The following RAF1 variants were observed in gnomAD, a reference collection of about 807,000 sequenced individuals.
RAF1 encodes Raf-1 proto-oncogene, serine/threonine kinase, also known as RAF proto-oncogene serine/threonine-protein kinase.
In RAF1, 27 loss-of-function variants were observed where a neutral mutation model predicts 81.1. The ratio of observed to expected loss-of-function variants is 0.33; its 90% CI spans 0.25 to 0.46. The LOEUF (loss-of-function observed/expected upper bound fraction) is 0.46, where lower values mean the gene tolerates loss of function less well. Ranked by LOEUF, RAF1 falls within the 20% of genes least tolerant of loss-of-function variation. The pLI, the probability that RAF1 is intolerant of heterozygous loss-of-function variation, is 1.00. For synonymous variants in RAF1, 298 were observed against 294.0 expected (o/e 1.01, Z -0.14); for missense variants, 598 against 826.0 (o/e 0.72, Z 3.38).
intron 11 of RAF1, among the ~76,000 whole-genome samples, chr3:12,595,354 G>A (rs1368119561): frequency 6.6e-6 from 1 of 152,202 alleles, no homozygotes; most frequent in Non-Finnish European, 1.5e-5. Context: ...TTATAGATGT[G>A]GGCCACTGCA....
intron 1 of RAF1, among the ~76,000 whole-genome samples, chr3:12,643,613 G>A (rs192150734): frequency 6.6e-6 from 1 of 152,092 alleles, no homozygotes; most frequent in Non-Finnish European, 1.5e-5. Context: ...GCAGGCGCCT[G>A]TAATCCCAGC....
chr3:12,628,901 G>A (rs2059788259), intron 1 of RAF1, among the ~76,000 whole-genome samples: 1 of 152,014 alleles, frequency 6.6e-6, no homozygotes, highest in African/African-American at 2.4e-5. Context: ...GCAGGTGTGA[G>A]CCACCATGCT....
At chr3:12,655,522 C>A (rs2060664880) in intron 1 of RAF1, among the ~76,000 whole-genome samples, 1 of 152,182 alleles carries the variant, frequency 6.6e-6, no homozygotes, top group Non-Finnish European at 1.5e-5. Flanking sequence ...TTGGCAGTTC[C>A]TCAAAAAGTA....
At chr3:12,617,094 A>G (rs2125447705) in intron 2 of RAF1, among the ~76,000 whole-genome samples, 1 of 151,748 alleles carries the variant, frequency 6.6e-6, no homozygotes, top group Non-Finnish European at 1.5e-5. Context: ...GACGTGTGCC[A>G]CCACGCCCGG....
chr3:12,600,563 GTTCC>G, intron 8 of RAF1, 148 bp from the exon 8 acceptor site: 2 of 871,548 alleles, frequency 2.3e-6, no homozygotes, highest in Non-Finnish European at 3.6e-6. Flanking sequence ...TCTAATCAAC[GTTCC>G]TTGATTAAAT....
rs573614608 is a variant in RAF1, at chr3:12,641,434, A to G, written c.-27+22379T>C. ...AAAAATAGTTCCACTTACAGGAAAT[A>G]TAACAATTTCCAAATATTTGGTGGA... is the stretch of plus-strand genomic sequence containing the variant. On this transcript the variant is annotated intron_variant, in intron 1 of 17. Coordinates refer to ENST00000442415, the MANE Select transcript of RAF1 (RefSeq NM_001354689.3). Among the ~76,000 whole-genome samples, 5 of 151,812 alleles carry G rather than the reference A, an allele frequency of 3.3e-5. No individual in the cohort carries two copies. In the South Asian group the frequency reaches 1.0e-3, roughly 32 times the overall value.
intron 1 of RAF1, among the ~76,000 whole-genome samples, chr3:12,657,201 G>A (rs747288810): frequency 2.6e-5 from 4 of 152,080 alleles, no homozygotes; most frequent in Non-Finnish European, 5.9e-5. Context: ...AGACACAGAA[G>A]CAAGAATTGT....
chr3:12,600,207 A>G lies in RAF1; in HGVS notation c.995T>C (p.Val332Ala), dbSNP rs370243307. Residue 332 changes from valine (V) to alanine (A), a missense_variant, in exon 10 of 18, where the codon GTG (valine) becomes GCG (alanine). Physicochemically the swap from Val to Ala is moderately conservative, Grantham distance 64. This residue lies in a region of RAF1 where 194 missense variants were observed against 202.7 expected (regional missense o/e 0.96). Coordinates refer to ENST00000442415, the MANE Select transcript of RAF1 (RefSeq NM_001354689.3). ...TGGTGCCCGCTCTCTTTGTGCTGGCACGGGGGTTTTCGGCTGTGACCAGCC... is the reference window on the plus strand; with the variant it reads ...TGGTGCCCGCTCTCTTTGTGCTGGCGCGGGGGTTTTCGGCTGTGACCAGCC... The G allele has an allele frequency of 8.4e-5, 136 of 1,614,054 alleles. No individual in the cohort carries two copies. Among genetic ancestry groups the G allele is most frequent in the Middle Eastern group, 4.9e-4 (3 of 6,082 alleles).
intron 1 of RAF1, among the ~76,000 whole-genome samples, chr3:12,649,386 C>CA (rs1490842839): frequency 9.9e-5 from 15 of 152,164 alleles, no homozygotes; most frequent in African/African-American, 3.4e-4. Context: ...TGGCTTGAGC[C>CA]AAGGAGTTCA....
chr3:12,604,685 A>G (rs2058971714), intron 6 of RAF1, among the ~76,000 whole-genome samples: 1 of 152,246 alleles, frequency 6.6e-6, no homozygotes, highest in Non-Finnish European at 1.5e-5. Flanking sequence ...TTGAGAATTT[A>G]TTTAAACAGA....
At chr3:12,613,120 T>C (rs931853615) in intron 2 of RAF1, among the ~76,000 whole-genome samples, 1 of 152,128 alleles carries the variant, frequency 6.6e-6, no homozygotes, top group Non-Finnish European at 1.5e-5. Context: ...CTGTACTCAA[T>C]CCTCAAAAAG....
At chr3:12,623,950 G>C (rs1234507461) in intron 1 of RAF1, among the ~76,000 whole-genome samples, 1 of 151,256 alleles carries the variant, frequency 6.6e-6, no homozygotes, top group African/African-American at 2.4e-5. Context: ...TGCCTCCCAG[G>C]TTCAAGAAAT....
chr3:12,587,864 A>C (rs910774721), intron 13 of RAF1: 1 of 285,044 alleles, frequency 3.5e-6, no homozygotes, highest in Admixed American at 6.6e-5. Context: ...TGGAGACTGG[A>C]GTGCAGTCAA....
At chr3:12,662,395 AAAAAAAAATTT>A (rs1344747194) in intron 1 of RAF1, among the ~76,000 whole-genome samples, 1 of 149,940 alleles carries the variant, frequency 6.7e-6, no homozygotes, top group African/African-American at 2.5e-5. Flanking sequence ...CTGAAAAAAT[AAAAAAAAATTT>A]AAAAGTCATT....
In RAF1 at chr3:12,651,679, G is replaced by C. The variant is rs143999826; in HGVS notation, c.-27+12134C>G. Among the ~76,000 whole-genome samples the C allele has an allele frequency of 3.5e-3, 514 of 147,828 alleles. 1 individual carries two copies. The highest frequency in any genetic ancestry group is 5.5e-3 in the Non-Finnish European group (366 of 66,912). The stretch of plus-strand genomic sequence containing the variant: ...AAAAAAAAAAAAAGATACACGAATT[G>C]ATCACAGAATACATGTTCAAAGAGG... On this transcript the variant is annotated intron_variant, in intron 1 of 17. Coordinates refer to ENST00000442415, the MANE Select transcript of RAF1 (RefSeq NM_001354689.3).
At chr3:12,635,974 A>G (rs2060016131) in intron 1 of RAF1, among the ~76,000 whole-genome samples, 1 of 149,590 alleles carries the variant, frequency 6.7e-6, no homozygotes. Context: ...CTCCACCTCA[A>G]AAAAAAAAAC....
intron 1 of RAF1, among the ~76,000 whole-genome samples, chr3:12,652,899 C>A (rs972521431): frequency 6.6e-6 from 1 of 151,494 alleles, no homozygotes; most frequent in African/African-American, 2.4e-5. Flanking sequence ...CAAGATTAAG[C>A]CACTGCACTC....
At chr3:12,659,245 T>A (rs1463059771) in intron 1 of RAF1, among the ~76,000 whole-genome samples, 1 of 151,464 alleles carries the variant, frequency 6.6e-6, no homozygotes, top group Non-Finnish European at 1.5e-5. Flanking sequence ...CTGGCCAACA[T>A]GGTGAAACCT....
chr3:12,590,883 G>T lies in RAF1; in HGVS notation c.1345C>A (p.Leu449Ile). 6.2e-7 allele frequency: 1 copy of T among 1,613,250 alleles called. No individual in the cohort carries two copies. The highest frequency in any genetic ancestry group is 8.5e-7 in the Non-Finnish European group (1 of 1,179,188). Residue 449 changes from leucine to isoleucine, a missense_variant, in exon 13 of 18, where the codon CTC (leucine) becomes ATC (isoleucine). Leu to Ile is a conservative substitution (Grantham distance 5). This residue lies in a region of RAF1 where 85 missense variants were observed against 185.6 expected (regional missense o/e 0.46). Transcript: ENST00000442415. ...TCCTGGACATGCAGGTGTTTGTAGA[G>T]GCTGCTGCCCTCGCACCACTGGGTC... is the stretch of plus-strand genomic sequence containing the variant.
Sources: gnomAD v4.1 joint callset for allele counts (sites outside exome capture counted in the v4.1 genomes callset) on GRCh38, gnomAD v4.1.1 for gene constraint, gnomAD v4.1.1 regional missense constraint, MANE v1.5 for transcripts, NCBI Gene and HGNC (gene_info 2026-07-23, HGNC 2026-07-21) for gene names.